Variants in RARB observed in about 807,000 individuals in gnomAD.
The protein encoded by RARB is retinoic acid receptor beta, also known as HBV-activated protein.
A neutral mutation model predicts 51.9 loss-of-function variants in RARB; 17 were observed. The ratio of observed to expected loss-of-function variants is 0.33; its 90% CI spans 0.22 to 0.49. The LOEUF (loss-of-function observed/expected upper bound fraction) is 0.49, where lower values mean the gene tolerates loss of function less well. Among genes scored for constraint, RARB ranks in the 20% least tolerant of loss-of-function variants. RARB has a pLI of 0.99. For synonymous variants in RARB, 215 were observed against 195.4 expected, an observed-to-expected ratio of 1.10 and a Z score of -0.84; for missense variants, 369 against 550.8, an observed-to-expected ratio of 0.67 and a Z score of 3.30.
intron 5 of RARB, among the ~76,000 whole-genome samples, chr3:25,590,152 G>A (rs75008184): frequency 0.012 from 1,776 of 152,224 alleles, 30 homozygotes; most frequent in African/African-American, 0.041. Context: ...ACTTGGTTTC[G>A]GCTTTGAACT....
chr3:25,021,063 G>A (rs1432437582), intron 2 of RARB, among the ~76,000 whole-genome samples: 1 of 152,198 alleles, frequency 6.6e-6, no homozygotes, highest in Non-Finnish European at 1.5e-5. Flanking sequence ...GTAAAATGAT[G>A]TATTCTGAAA....
At chr3:24,868,039 C>T (rs575376682) in intron 2 of RARB, among the ~76,000 whole-genome samples, 2 of 152,134 alleles carry the variant, frequency 1.3e-5, no homozygotes, top group East Asian at 1.9e-4. Context: ...TATCTCTGGA[C>T]GGCTTGCAGA....
chr3:25,064,809 C>T (rs1252517593), intron 3 of RARB, among the ~76,000 whole-genome samples: 1 of 152,168 alleles, frequency 6.6e-6, no homozygotes, highest in Non-Finnish European at 1.5e-5. Context: ...GGTCAGCTTT[C>T]CCAGGCCTCA....
At chr3:24,896,640 G>A (rs973417028) in intron 2 of RARB, among the ~76,000 whole-genome samples, 19 of 152,112 alleles carry the variant, frequency 1.2e-4, no homozygotes, top group African/African-American at 4.6e-4. Context: ...ATATGTTAAT[G>A]CCACTGAACT....
At chr3:24,979,846 T>C (rs1244661754) in intron 2 of RARB, among the ~76,000 whole-genome samples, 3 of 152,208 alleles carry the variant, frequency 2.0e-5, no homozygotes, top group African/African-American at 7.2e-5. Context: ...CACCCGTTAA[T>C]TGATGCAGTT....
At position 25,486,418 on chromosome 3, in the gene RARB, G is replaced by A. The variant is rs113401696; in HGVS notation, c.307-14764G>A. On this transcript the variant is annotated intron_variant, in intron 2 of 7. Coordinates refer to ENST00000330688, the MANE Select transcript of RARB (RefSeq NM_000965.5). ...CCCTTTGGACTTCTACTTGGGTAGA[G>A]GTAGAAGTCACTTAAGCCACCCTAC... Among the ~76,000 whole-genome samples the A allele has an allele frequency of 6.0e-4, 92 of 152,266 alleles. 1 individual carries two copies. Among genetic ancestry groups the A allele is most frequent in the Middle Eastern group, 3.4e-3 (1 of 294 alleles).
intron 2 of RARB, among the ~76,000 whole-genome samples, chr3:25,002,472 A>G (rs1396629476): frequency 6.6e-6 from 1 of 152,182 alleles, no homozygotes; most frequent in African/African-American, 2.4e-5. Flanking sequence ...CCAGGTCAAA[A>G]TGCCCTGCAG....
intron 4 of RARB, among the ~76,000 whole-genome samples, chr3:25,140,001 T>A (rs917579713): frequency 3.3e-5 from 5 of 152,134 alleles, no homozygotes; most frequent in Non-Finnish European, 7.4e-5. Context: ...TGAAACCTGC[T>A]CAGAAAAAGA....
intron 2 of RARB, among the ~76,000 whole-genome samples, chr3:25,498,955 A>AT (rs966491856): frequency 2.0e-5 from 3 of 152,170 alleles, no homozygotes; most frequent in Non-Finnish European, 4.4e-5. Flanking sequence ...GTAACCTGTT[A>AT]TTTTAGATTC....
At chr3:25,440,721 C>T (rs1424960301) in intron 1 of RARB, among the ~76,000 whole-genome samples, 4 of 151,680 alleles carry the variant, frequency 2.6e-5, no homozygotes, top group Non-Finnish European at 5.9e-5. Context: ...TGCAGTGAGC[C>T]GAGATCGCGC....
intron 5 of RARB, among the ~76,000 whole-genome samples, chr3:25,400,560 A>G (rs2116702): frequency 3.3e-5 from 5 of 151,978 alleles, no homozygotes; most frequent in African/African-American, 4.8e-5. Context: ...CTTGAACTAA[A>G]TATTTAAAAT....
At chr3:25,593,316 T>C (rs577547591) in intron 5 of RARB, among the ~76,000 whole-genome samples, 187 bp from the exon 6 acceptor site, 6 of 152,312 alleles carry the variant, frequency 3.9e-5, no homozygotes, top group Non-Finnish European at 7.3e-5. Context: ...TAAAAAACTT[T>C]AGCCCCTGGG....
At chr3:25,023,923 T>C (rs1420018864) in intron 2 of RARB, among the ~76,000 whole-genome samples, 1 of 152,200 alleles carries the variant, frequency 6.6e-6, no homozygotes, top group Admixed American at 6.5e-5. Flanking sequence ...ACTGTGTGTG[T>C]ATGTGTTGAT....
chr3:25,535,656 C>A (rs553598738), intron 3 of RARB, among the ~76,000 whole-genome samples: 1 of 151,984 alleles, frequency 6.6e-6, no homozygotes, highest in South Asian at 2.1e-4. Context: ...TGAGAACATG[C>A]GGTGTTTGGC....
In RARB at chr3:25,169,814, C is replaced by T. The variant is rs1266609947; in HGVS notation, c.-279-4305C>T. Among the ~76,000 whole-genome samples, 4 of 151,882 alleles carry T rather than the reference C, an allele frequency of 2.6e-5. No homozygotes were observed. In the East Asian group the frequency reaches 5.8e-4, roughly 22 times the overall value. On this transcript the variant is annotated intron_variant, in intron 4 of 11. Coordinates refer to the RARB transcript ENST00000383772. ...ACCAGCCCAGGCAACATAACAAAAC[C>T]ACGTCTCTACAAAAAATACAAAAAT...
intron 5 of RARB, among the ~76,000 whole-genome samples, chr3:25,396,759 C>T (rs1435021613): frequency 2.0e-5 from 3 of 151,996 alleles, no homozygotes; most frequent in African/African-American, 7.3e-5. Context: ...GAGTTATGTT[C>T]CCAGGGGGAT....
At chr3:25,531,784 G>A (rs1199310124) in intron 3 of RARB, among the ~76,000 whole-genome samples, 7 of 150,804 alleles carry the variant, frequency 4.6e-5, no homozygotes, top group African/African-American at 1.7e-4. Flanking sequence ...AAAATTTTGT[G>A]TCAGAATTCT....
At chr3:25,345,205 A>G (rs6769438) in intron 5 of RARB, among the ~76,000 whole-genome samples, 12,031 of 152,182 alleles carry the variant, frequency 0.079, 655 homozygotes, top group African/African-American at 0.15. Context: ...GTAAGAGTCA[A>G]ATGTAACCTC....
intron 1 of RARB, among the ~76,000 whole-genome samples, chr3:25,454,686 A>G (rs1256390886): frequency 1.1e-5 from 1 of 89,934 alleles, no homozygotes; most frequent in Non-Finnish European, 2.7e-5. Flanking sequence ...TCTCACAAAG[A>G]AAAAAAAAAA....
Sources: gnomAD v4.1 joint callset for allele counts (sites outside exome capture counted in the v4.1 genomes callset) on GRCh38, gnomAD v4.1.1 for gene constraint, MANE v1.5 for transcripts, NCBI Gene and HGNC (gene_info 2026-07-23, HGNC 2026-07-21) for gene names.